Variants in KIAA1328 observed in about 807,000 individuals in gnomAD.
KIAA1328 encodes the protein KIAA1328.
In KIAA1328, 52 loss-of-function variants were observed where a neutral mutation model predicts 68.1. The observed-to-expected ratio is 0.76, with a 90% CI of 0.61 to 0.96. The LOEUF (loss-of-function observed/expected upper bound fraction) is 0.96. KIAA1328 is among the 40% of genes least tolerant of loss of function. The pLI is 0.00. For missense variants in KIAA1328, 641 were observed against 677.6 expected (o/e 0.95, Z 0.60); for synonymous variants, 232 against 239.4 (o/e 0.97, Z 0.28).
chr18:37,200,733 C>A (rs1228958124), intron 9 of KIAA1328, among the ~76,000 whole-genome samples: 1 of 151,558 alleles, frequency 6.6e-6, no homozygotes, highest in Non-Finnish European at 1.5e-5. Context: ...ATGGCGTGAA[C>A]CCGGGAAGCG....
At chr18:36,981,819 A>G (rs926576480) in intron 6 of KIAA1328, among the ~76,000 whole-genome samples, 2 of 150,010 alleles carry the variant, frequency 1.3e-5, no homozygotes, top group Admixed American at 1.3e-4. Context: ...CTGGTCCTGA[A>G]CTCCTGGTCT....
Position 36,834,353 on chromosome 18 carries a change from C to T in KIAA1328, c.92C>T (p.Pro31Leu). The change falls in exon 2 of 10, where the codon CCA becomes CTA. Residue 31 changes from proline (P) to leucine (L), a missense_variant and splice_region_variant. Pro to Leu is a moderately conservative substitution (Grantham distance 98). Coordinates refer to ENST00000280020, the MANE Select transcript of KIAA1328 (RefSeq NM_020776.3). Reference protein sequence around the residue: ...SDEEQSVVYVPGISAEGNVRS... With the variant: ...SDEEQSVVYVLGISAEGNVRS... ...GAAGAACAATCAGTAGTATACGTTC[C>T]AGGTATGATTTTCTATGTTAAAATT... is the stretch of plus-strand genomic sequence containing the variant. The T allele has an allele frequency of 6.4e-7, 1 of 1,574,290 alleles. No individual in the cohort carries two copies. Among genetic ancestry groups the T allele is most frequent in the Admixed American group, 1.8e-5 (1 of 54,140 alleles).
At chr18:37,057,896 T>C (rs966044026) in intron 6 of KIAA1328, among the ~76,000 whole-genome samples, 1 of 152,192 alleles carries the variant, frequency 6.6e-6, no homozygotes, top group African/African-American at 2.4e-5. Flanking sequence ...ATTTATTGTA[T>C]GGCCCTTTAC....
At chr18:37,013,148 T>G (rs753976837) in intron 6 of KIAA1328, among the ~76,000 whole-genome samples, 1 of 152,122 alleles carries the variant, frequency 6.6e-6, no homozygotes, top group Non-Finnish European at 1.5e-5. Flanking sequence ...ACCTGGATGG[T>G]CAGTCCTGTG....
At chr18:36,856,674 A>G (rs948028965) in intron 4 of KIAA1328, among the ~76,000 whole-genome samples, 1 of 152,090 alleles carries the variant, frequency 6.6e-6, no homozygotes, top group African/African-American at 2.4e-5. Flanking sequence ...AAGCTATCTC[A>G]ATGTAGCTTT....
chr18:37,008,537 C>A (rs529581558), intron 6 of KIAA1328, among the ~76,000 whole-genome samples: 2 of 152,268 alleles, frequency 1.3e-5, no homozygotes, highest in Non-Finnish European at 1.5e-5. Flanking sequence ...AAAATTATAA[C>A]CATCTCTCTA....
chr18:37,053,814 G>T (rs1249684782), intron 6 of KIAA1328, among the ~76,000 whole-genome samples: 1 of 152,068 alleles, frequency 6.6e-6, no homozygotes, highest in African/African-American at 2.4e-5. Context: ...CCCAACACGT[G>T]AGGATTACAA....
chr18:37,185,909 T>A (rs1297909936), intron 9 of KIAA1328, among the ~76,000 whole-genome samples: 2 of 152,062 alleles, frequency 1.3e-5, no homozygotes, highest in Non-Finnish European at 2.9e-5. Flanking sequence ...TAACCGTTTA[T>A]GAGTTTAACC....
chr18:37,088,214 A>G (rs1245345122), intron 7 of KIAA1328, among the ~76,000 whole-genome samples: 1 of 152,136 alleles, frequency 6.6e-6, no homozygotes, highest in Non-Finnish European at 1.5e-5. Flanking sequence ...CTAAAATTCT[A>G]TAACATCTCT....
downstream of KIAA1328, among the ~76,000 whole-genome samples, chr18:37,228,921 A>G (rs1428088322): frequency 1.3e-5 from 2 of 152,234 alleles, no homozygotes; most frequent in African/African-American, 4.8e-5. Context: ...GTTTTTAGTC[A>G]TGATACAGTT....
intron 9 of KIAA1328, among the ~76,000 whole-genome samples, chr18:37,195,744 T>A (rs2059992147): frequency 6.6e-6 from 1 of 152,226 alleles, no homozygotes; most frequent in Non-Finnish European, 1.5e-5. Flanking sequence ...TTGTGATCCC[T>A]CCAGCTTTTT....
chr18:36,895,871 C>T (rs999160521), intron 5 of KIAA1328: 1 of 439,016 alleles, frequency 2.3e-6, no homozygotes, highest in Non-Finnish European at 4.6e-6. Context: ...ACCACACCCC[C>T]ACGTTGTCCT....
chr18:36,929,821 C>G (rs2050249242), intron 5 of KIAA1328, among the ~76,000 whole-genome samples: 1 of 152,058 alleles, frequency 6.6e-6, no homozygotes, highest in Non-Finnish European at 1.5e-5. Flanking sequence ...TCCTGGACTT[C>G]CAGCTGCCAG....
At chr18:37,190,119 A>G (rs1449356413) in intron 9 of KIAA1328, among the ~76,000 whole-genome samples, 1 of 152,186 alleles carries the variant, frequency 6.6e-6, no homozygotes. Context: ...TCAGTATGCT[A>G]AATAAAATTG....
chr18:37,176,148 C>A (rs908889199), intron 9 of KIAA1328, among the ~76,000 whole-genome samples: 2 of 152,192 alleles, frequency 1.3e-5, no homozygotes, highest in African/African-American at 4.8e-5. Context: ...AGGACAACCT[C>A]TCCTACAGCA....
chr18:37,026,381 A>G (rs374702123), intron 6 of KIAA1328, among the ~76,000 whole-genome samples: 13 of 152,140 alleles, frequency 8.5e-5, no homozygotes, highest in African/African-American at 2.9e-4. Flanking sequence ...TATGAGGCCA[A>G]CATCATCCTG....
At chr18:36,839,925 G>C (rs1485578399) in intron 3 of KIAA1328, among the ~76,000 whole-genome samples, 1 of 152,182 alleles carries the variant, frequency 6.6e-6, no homozygotes, top group Non-Finnish European at 1.5e-5. Context: ...GGGATGAGTA[G>C]TTTTCTCACA....
chr18:36,873,082 A>G (rs551394739), intron 4 of KIAA1328, among the ~76,000 whole-genome samples: 49 of 152,316 alleles, frequency 3.2e-4, no homozygotes, highest in Admixed American at 1.4e-3. Flanking sequence ...ATTTTCTCAG[A>G]AGACATTTCT....
At chr18:36,829,297 C>T in intron 1 of KIAA1328, 101 bp downstream of exon 1, 2 of 1,422,892 alleles carry the variant, frequency 1.4e-6, no homozygotes, top group East Asian at 2.9e-5. Flanking sequence ...AAGCTCCGAA[C>T]TAACCCCGGG....
Sources: gnomAD v4.1 joint callset for allele counts (sites outside exome capture counted in the v4.1 genomes callset) on GRCh38, gnomAD v4.1.1 for gene constraint, MANE v1.5 for transcripts, NCBI Gene and HGNC (gene_info 2026-07-23, HGNC 2026-07-21) for gene names.